Variants in OR5A2 observed in about 807,000 individuals in gnomAD.
OR5A2 encodes olfactory receptor 5A2.
For missense variants in OR5A2, 406 were observed against 398.9 expected (o/e 1.02, Z -0.15); for synonymous variants, 155 against 151.1 (o/e 1.03, Z -0.19).
rs72923311 is a variant in OR5A2 at position 59,421,938 on chromosome 11, T to C, written c.*41A>G. 0.02 allele frequency: 30,717 copies of C among 1,536,052 alleles called. 695 individuals are homozygous for C. Among genetic ancestry groups the C allele is most frequent in the African/African-American group, 0.1 (7,406 of 72,456 alleles). ...ATCAACTAGTTTAAAATTATGTAAA[T>C]GTCTGCACAATTCACCTAGCTCACA... On this transcript the variant is annotated 3_prime_UTR_variant, in exon 2 of 2. Coordinates refer to ENST00000302040, the MANE Select transcript of OR5A2 (RefSeq NM_001001954.2).
chr11:59,421,787 C>G lies in OR5A2; in HGVS notation c.*192G>C. 2.0e-6 allele frequency: 1 copy of G among 502,034 alleles called. No individual in the cohort carries two copies. The highest frequency in any genetic ancestry group is 3.4e-6 in the Non-Finnish European group (1 of 296,684). The allele number at this position is 502,034 out of a possible 1,614,324, so 31.1% of individuals were successfully genotyped here. A position where few individuals can be genotyped will look rare whatever the true frequency, so the allele number is the denominator to read the frequency against. On this transcript the variant is annotated 3_prime_UTR_variant, in exon 2 of 2. Transcript: ENST00000302040. ...TAGGCAGAGCATTTAAAATCTCAAA[C>G]TATACAATGCTATTCATTTTACAAG... is the stretch of plus-strand genomic sequence containing the variant.
At position 59,420,514 on chromosome 11, in the gene OR5A2, T is replaced by G. The variant is rs1858208845; in HGVS notation, c.*1465A>C. On this transcript the variant is annotated 3_prime_UTR_variant, in exon 2 of 2. Coordinates refer to ENST00000302040, the MANE Select transcript of OR5A2 (RefSeq NM_001001954.2). ...CTAAGTATTTACATGTACTGACTCATTTAATTCTTCACAATAGTCCTAGGA... is the reference window on the plus strand; with the variant it reads ...CTAAGTATTTACATGTACTGACTCAGTTAATTCTTCACAATAGTCCTAGGA... 1 of 152,138 alleles carries G rather than the reference T, an allele frequency of 6.6e-6. No homozygotes were observed. The highest frequency in any genetic ancestry group is 2.1e-4 in the South Asian group (1 of 4,828). The allele number at this position is 152,138 out of a possible 1,614,324, so 9.4% of individuals were successfully genotyped here.
Position 59,417,880 on chromosome 11 carries a change from A to G in OR5A2, c.*4099T>C, listed in dbSNP as rs1297091416. Reference sequence around the variant, plus strand: ...ACATGTACCTACAAAGAAAAAAAGTAAGTGAATGTTGATGGTGCATAGGAC... The same window carrying G: ...ACATGTACCTACAAAGAAAAAAAGTGAGTGAATGTTGATGGTGCATAGGAC... On this transcript the variant is annotated 3_prime_UTR_variant, in exon 2 of 2. Coordinates refer to ENST00000302040, the MANE Select transcript of OR5A2 (RefSeq NM_001001954.2). 1 of 152,078 alleles carries G rather than the reference A, an allele frequency of 6.6e-6. No homozygotes were observed. The highest frequency in any genetic ancestry group is 1.5e-5 in the Non-Finnish European group (1 of 67,986). The allele number at this position is 152,078 out of a possible 1,614,324, so 9.4% of individuals were successfully genotyped here.
rs1407917427 is a variant in OR5A2 at position 59,419,022 on chromosome 11, AGTACAG to A, written c.*2951_*2956del. ...GAAGGATAGGAGCTTGGTGAGTTAG[AGTACAG>A]GTCAAGAATGGTGGAGGAAAAAAAA... On this transcript the variant is annotated 3_prime_UTR_variant, in exon 2 of 2. Coordinates refer to ENST00000302040, the MANE Select transcript of OR5A2 (RefSeq NM_001001954.2). 6.6e-6 allele frequency: 1 copy of A among 152,108 alleles called. No homozygotes were observed. Among genetic ancestry groups the A allele is most frequent in the Non-Finnish European group, 1.5e-5 (1 of 68,002 alleles). 9.4% of individuals were successfully genotyped at this position (152,108 alleles called of 1,614,324 possible). A position where few individuals can be genotyped will look rare whatever the true frequency, so the allele number is the denominator to read the frequency against.
rs1321879863 is a variant in OR5A2, at chr11:59,418,321, G to A, written c.*3658C>T. ...GTGCCACTGGCGTAAGTTCAAGCTT[G>A]GCAGCTTTGTTCTTCACTGAAAATT... On this transcript the variant is annotated 3_prime_UTR_variant, in exon 2 of 2. Coordinates refer to ENST00000302040, the MANE Select transcript of OR5A2 (RefSeq NM_001001954.2). 4 of 152,086 alleles carry A rather than the reference G, an allele frequency of 2.6e-5. No homozygotes were observed. The highest frequency in any genetic ancestry group is 9.7e-5 in the African/African-American group (4 of 41,420). 9.4% of individuals were successfully genotyped at this position (152,086 alleles called of 1,614,324 possible).
chr11:59,420,210 T>C lies in OR5A2; in HGVS notation c.*1769A>G, dbSNP rs1858205708. On this transcript the variant is annotated 3_prime_UTR_variant, in exon 2 of 2. Transcript: ENST00000302040. ...GTAGCTACAGATGAGGAAAACAGAG[T>C]TTCTAAATAACTTGGATCAGGCTAT... 1 of 151,798 alleles carries C rather than the reference T, an allele frequency of 6.6e-6. No homozygotes were observed. Among genetic ancestry groups the C allele is most frequent in the Non-Finnish European group, 1.5e-5 (1 of 67,954 alleles). 9.4% of individuals were successfully genotyped at this position (151,798 alleles called of 1,614,324 possible). A position where few individuals can be genotyped will look rare whatever the true frequency, so the allele number is the denominator to read the frequency against.
Position 59,422,500 on chromosome 11 carries a change from C to A in OR5A2, c.454G>T (p.Gly152Cys). The A allele has an allele frequency of 1.2e-6, 2 of 1,614,080 alleles. No homozygotes were observed. The highest frequency in any genetic ancestry group is 1.7e-6 in the Non-Finnish European group (2 of 1,180,014). The change falls in exon 2 of 2, where the codon GGT becomes TGT. Residue 152 changes from glycine to cysteine, a missense_variant. Gly to Cys is a radical substitution (Grantham distance 159). Transcript: ENST00000302040. The stretch of plus-strand genomic sequence containing the variant: ...TCAATGAAAGAACTAAGGAATCCAC[C>A]CACATAGGCGCCAACCACCATCTTT... ...CLKMVVGAYVGGFLSSFIETY... is the reference protein window; with the variant it reads ...CLKMVVGAYVCGFLSSFIETY...
In OR5A2 at chr11:59,419,863, C is replaced by G. The variant is rs1858202038; in HGVS notation, c.*2116G>C. ...GTTTCTTATCAGACTTAAAAGGGTGCCTGGCTCTTAGTTGATTATCTCCTA... is the reference window on the plus strand; with the variant it reads ...GTTTCTTATCAGACTTAAAAGGGTGGCTGGCTCTTAGTTGATTATCTCCTA... On this transcript the variant is annotated 3_prime_UTR_variant, in exon 2 of 2. Transcript: ENST00000302040. 6.6e-6 allele frequency: 1 copy of G among 151,924 alleles called. No individual in the cohort carries two copies. The allele number at this position is 151,924 out of a possible 1,614,324, so 9.4% of individuals were successfully genotyped here.
In OR5A2 at chr11:59,422,092, G is replaced by A; in HGVS notation, c.862C>T (p.Pro288Ser). The A allele has an allele frequency of 1.2e-6, 2 of 1,614,052 alleles. No homozygotes were observed. The highest frequency in any genetic ancestry group is 1.1e-5 in the South Asian group (1 of 91,078). ...TTATTCCTAAAACTGTAGATGATGG[G>A]ATTCACCACGGGGATCACCAAGGCA... is the stretch of plus-strand genomic sequence containing the variant. ...FYALVIPVVN[P>S]IIYSFRNKEI... Residue 288 changes from proline to serine, a missense_variant, in exon 2 of 2, where the codon CCC (proline) becomes TCC (serine). Physicochemically the swap from Pro to Ser is moderately conservative, Grantham distance 74 (BLOSUM62 -1). Coordinates refer to ENST00000302040, the MANE Select transcript of OR5A2 (RefSeq NM_001001954.2).
chr11:59,425,078 G>A (rs906490581), intron 1 of OR5A2: 1 of 152,184 alleles, frequency 6.6e-6, no homozygotes, highest in Non-Finnish European at 1.5e-5. Flanking sequence ...CATTTATCAA[G>A]ACAGGGGAAT....
At position 59,418,105 on chromosome 11, in the gene OR5A2, GA is replaced by G. The variant is rs1042088381; in HGVS notation, c.*3873del. ...AGAAGGGAGGACAGTCATCTTGGAA[GA>G]AAGGAAAAGGAATGCTTGGGGAGAA... On this transcript the variant is annotated 3_prime_UTR_variant, in exon 2 of 2. Transcript: ENST00000302040. The G allele has an allele frequency of 6.6e-6, 1 of 152,128 alleles. No individual in the cohort carries two copies. Among genetic ancestry groups the G allele is most frequent in the African/African-American group, 2.4e-5 (1 of 41,444 alleles). The allele number at this position is 152,128 out of a possible 1,614,324, so 9.4% of individuals were successfully genotyped here. A position where few individuals can be genotyped will look rare whatever the true frequency, so the allele number is the denominator to read the frequency against.
chr11:59,422,968 C>G lies in OR5A2; in HGVS notation c.-15G>C. On this transcript the variant is annotated 5_prime_UTR_variant, in exon 2 of 2. The change abolishes an upstream ATG in the 5' untranslated region. Coordinates refer to ENST00000302040, the MANE Select transcript of OR5A2 (RefSeq NM_001001954.2). Reference sequence around the variant, plus strand: ...CCTACAGCCATAGGCCTGCTTCCTGCATAAAGTCTTTACTTTCTTCTTTAA... The same window carrying G: ...CCTACAGCCATAGGCCTGCTTCCTGGATAAAGTCTTTACTTTCTTCTTTAA... 1 of 1,591,434 alleles carries G rather than the reference C, an allele frequency of 6.3e-7. No homozygotes were observed. The highest frequency in any genetic ancestry group is 8.5e-7 in the Non-Finnish European group (1 of 1,169,824).
In OR5A2 at chr11:59,419,382, C is replaced by T. The variant is rs1045769433; in HGVS notation, c.*2597G>A. On this transcript the variant is annotated 3_prime_UTR_variant, in exon 2 of 2. Transcript: ENST00000302040. ...TATGCCAGGCACTGGGCTAAGCCCT[C>T]TTTATGCATATTCTCACTTAATTGT... 6 of 152,126 alleles carry T rather than the reference C, an allele frequency of 3.9e-5. No homozygotes were observed. Among genetic ancestry groups the T allele is most frequent in the Non-Finnish European group, 8.8e-5 (6 of 68,030 alleles). 9.4% of individuals were successfully genotyped at this position (152,126 alleles called of 1,614,324 possible). A position where few individuals can be genotyped will look rare whatever the true frequency, so the allele number is the denominator to read the frequency against.
At position 59,422,430 on chromosome 11, in the gene OR5A2, A is replaced by G; in HGVS notation, c.524T>C (p.Ile175Thr). Residue 175 changes from isoleucine to threonine, a missense_variant, in exon 2 of 2, where the codon ATC becomes ACC. By Grantham distance (89) the Ile-to-Thr change is moderately conservative (BLOSUM62 -1). Transcript: ENST00000302040. ...AGGGAGGTCACAGAAAAAGTGGTTG[A>G]TCATATAGGGCCCACAGAAATCATG... The part of the protein sequence containing the change: ...YQHDFCGPYM[I>T]NHFFCDLPPV... 3.1e-6 allele frequency: 5 copies of G among 1,614,184 alleles called. No individual in the cohort carries two copies. The highest frequency in any genetic ancestry group is 4.2e-6 in the Non-Finnish European group (5 of 1,180,012).
Position 59,426,337 on chromosome 11 carries a change from T to C in OR5A2, c.-258A>G, listed in dbSNP as rs1439977527. 1 of 152,210 alleles carries C rather than the reference T, an allele frequency of 6.6e-6. No individual in the cohort carries two copies. 9.4% of individuals were successfully genotyped at this position (152,210 alleles called of 1,614,324 possible). ...TTCTTATGCTTTGGCCTCATGTAAATAGTAAACCATGCTTCTGGAATCTCC... is the reference window on the plus strand; with the variant it reads ...TTCTTATGCTTTGGCCTCATGTAAACAGTAAACCATGCTTCTGGAATCTCC... On this transcript the variant is annotated 5_prime_UTR_variant, in exon 1 of 2. Coordinates refer to ENST00000302040, the MANE Select transcript of OR5A2 (RefSeq NM_001001954.2).
Position 59,422,120 on chromosome 11 carries a change from G to C in OR5A2, c.834C>G (p.Phe278Leu). ...SLNRDKVVSI[F>L]YALVIPVVNP... Reference sequence around the variant, plus strand: ...TCACCACGGGGATCACCAAGGCATAGAATATGGACACCACCTTGTCCCTGT... The same window carrying C: ...TCACCACGGGGATCACCAAGGCATACAATATGGACACCACCTTGTCCCTGT... The change falls in exon 2 of 2, where the codon TTC becomes TTG. Residue 278 changes from phenylalanine (F) to leucine (L), a missense_variant. Transcript: ENST00000302040. 1 of 1,614,082 alleles carries C rather than the reference G, an allele frequency of 6.2e-7. No homozygotes were observed. Among genetic ancestry groups the C allele is most frequent in the Non-Finnish European group, 8.5e-7 (1 of 1,179,998 alleles).
rs1452425697 is a variant in OR5A2, at chr11:59,417,862, C to A, written c.*4117G>T. ...TCATGAGTGTGCATAATTACATGTA[C>A]CTACAAAGAAAAAAAGTAAGTGAAT... On this transcript the variant is annotated 3_prime_UTR_variant, in exon 2 of 2. Coordinates refer to ENST00000302040, the MANE Select transcript of OR5A2 (RefSeq NM_001001954.2). 1 of 151,782 alleles carries A rather than the reference C, an allele frequency of 6.6e-6. No homozygotes were observed. Among genetic ancestry groups the A allele is most frequent in the Non-Finnish European group, 1.5e-5 (1 of 67,942 alleles). 9.4% of individuals were successfully genotyped at this position (151,782 alleles called of 1,614,324 possible).
rs936045235 is a variant in OR5A2 at position 59,417,419 on chromosome 11, G to A, written c.*4560C>T. On this transcript the variant is annotated 3_prime_UTR_variant, in exon 2 of 2. Coordinates refer to ENST00000302040, the MANE Select transcript of OR5A2 (RefSeq NM_001001954.2). ...ATATAGGAGGTCTTAACCAGCATAAGGGGAGAGAGAAACACAAGAAGAGAG... is the reference window on the plus strand; with the variant it reads ...ATATAGGAGGTCTTAACCAGCATAAAGGGAGAGAGAAACACAAGAAGAGAG... The A allele has an allele frequency of 1.5e-4, 23 of 152,186 alleles. No homozygotes were observed. Among genetic ancestry groups the A allele is most frequent in the African/African-American group, 5.6e-4 (23 of 41,422 alleles). 9.4% of individuals were successfully genotyped at this position (152,186 alleles called of 1,614,324 possible). A position where few individuals can be genotyped will look rare whatever the true frequency, so the allele number is the denominator to read the frequency against.
intron 1 of OR5A2, chr11:59,423,762 C>G (rs1362620908): frequency 1.3e-5 from 2 of 152,060 alleles, no homozygotes; most frequent in East Asian, 1.9e-4. Flanking sequence ...ATATAATGCT[C>G]TTAAGAAAAG....
Sources: allele counts gnomAD v4.1 joint callset, GRCh38; gene constraint gnomAD v4.1.1; transcripts MANE v1.5; gene names NCBI Gene and HGNC (gene_info 2026-07-23, HGNC 2026-07-21).